The following RAB27B variants were observed in gnomAD, a reference collection of about 807,000 sequenced individuals.
RAB27B encodes RAB27B, member RAS oncogene family.
In RAB27B, 15 loss-of-function variants were observed where a neutral mutation model predicts 24.6. The observed-to-expected ratio is 0.61, with a 90% CI of 0.41 to 0.94. The LOEUF (loss-of-function observed/expected upper bound fraction) is 0.94. RAB27B is among the 40% of genes least tolerant of loss of function. The pLI is 0.00. For synonymous variants in RAB27B, 105 were observed against 92.5 expected (o/e 1.14, Z -0.78); for missense variants, 261 against 266.8 (o/e 0.98, Z 0.15).
intron 2 of RAB27B, among the ~76,000 whole-genome samples, chr18:54,732,948 G>A (rs1223636530): frequency 6.6e-6 from 1 of 152,096 alleles, no homozygotes; most frequent in African/African-American, 2.4e-5. Flanking sequence ...ACAACTTTCT[G>A]CTCATCTTTT....
chr18:54,723,234 A>C (rs1909417363), intron 2 of RAB27B, among the ~76,000 whole-genome samples: 1 of 152,176 alleles, frequency 6.6e-6, no homozygotes, highest in Non-Finnish European at 1.5e-5. Flanking sequence ...AGTTTATGAG[A>C]CCTTGTGCTG....
chr18:54,842,735 A>G (rs1911165967), intron 1 of RAB27B, among the ~76,000 whole-genome samples: 1 of 152,174 alleles, frequency 6.6e-6, no homozygotes, highest in Non-Finnish European at 1.5e-5. Context: ...GCTGCAACTA[A>G]TTTCACCCTC....
chr18:54,849,134 T>C (rs993762817), intron 1 of RAB27B, among the ~76,000 whole-genome samples: 8 of 152,152 alleles, frequency 5.3e-5, no homozygotes, highest in Admixed American at 4.6e-4. Flanking sequence ...GGAGAAAATG[T>C]ATGGGGAATT....
intron 1 of RAB27B, among the ~76,000 whole-genome samples, chr18:54,867,523 T>C (rs1267695906): frequency 6.9e-6 from 1 of 144,614 alleles, no homozygotes; most frequent in Non-Finnish European, 1.5e-5. Flanking sequence ...CTCGGCTCAC[T>C]GCAACTTCCG....
At chr18:54,723,804 C>T (rs1909438448) in intron 2 of RAB27B, among the ~76,000 whole-genome samples, 1 of 152,142 alleles carries the variant, frequency 6.6e-6, no homozygotes, top group African/African-American at 2.4e-5. Flanking sequence ...ATTTAAAACA[C>T]CAAATTATTT....
intron 1 of RAB27B, among the ~76,000 whole-genome samples, chr18:54,865,638 C>T (rs1385321568): frequency 6.6e-6 from 1 of 152,160 alleles, no homozygotes; most frequent in African/African-American, 2.4e-5. Context: ...TTCTTTGATC[C>T]ATTTGCTATT....
At chr18:54,746,173 T>C (rs959378901) in intron 2 of RAB27B, among the ~76,000 whole-genome samples, 4 of 152,156 alleles carry the variant, frequency 2.6e-5, no homozygotes, top group Non-Finnish European at 5.9e-5. Flanking sequence ...GGATTCCCTC[T>C]AAAAATGAAA....
chr18:54,766,051 A>G (rs183581334), intron 2 of RAB27B, among the ~76,000 whole-genome samples: 141 of 152,334 alleles, frequency 9.3e-4, no homozygotes, highest in Non-Finnish European at 1.7e-3. Context: ...TTTGGCGAAG[A>G]CACATTTTTA....
At chr18:54,859,800 C>T (rs1911941932) in intron 1 of RAB27B, among the ~76,000 whole-genome samples, 1 of 152,112 alleles carries the variant, frequency 6.6e-6, no homozygotes, top group South Asian at 2.1e-4. Flanking sequence ...TAGGTTACTG[C>T]CAAGAAGTAA....
chr18:54,840,795 T>C (rs1167077011), intron 1 of RAB27B, among the ~76,000 whole-genome samples: 1 of 152,068 alleles, frequency 6.6e-6, no homozygotes, highest in Non-Finnish European at 1.5e-5. Context: ...CAACAACACT[T>C]GACTGGGTAT....
chr18:54,754,335 G>A (rs917098522), intron 2 of RAB27B, among the ~76,000 whole-genome samples: 2 of 151,294 alleles, frequency 1.3e-5, no homozygotes, highest in African/African-American at 4.9e-5. Context: ...GGCTAACTGT[G>A]AGTCAATTAA....
chr18:54,752,933 A>T (rs117965807), intron 2 of RAB27B, among the ~76,000 whole-genome samples: 2,109 of 152,248 alleles, frequency 0.014, 56 homozygotes, highest in Admixed American at 0.06. Flanking sequence ...GCACTTAGTG[A>T]TTGACTGATA....
chr18:54,764,012 G>T (rs146153644), intron 2 of RAB27B, among the ~76,000 whole-genome samples: 2 of 152,222 alleles, frequency 1.3e-5, no homozygotes, highest in African/African-American at 4.8e-5. Context: ...TCTGAACATT[G>T]CTCTTTCTCA....
chr18:54,731,446 T>G (rs2144992008), intron 2 of RAB27B, among the ~76,000 whole-genome samples: 1 of 152,276 alleles, frequency 6.6e-6, no homozygotes, highest in South Asian at 2.1e-4. Context: ...ATCTGCCAGG[T>G]GTGGTGGCTC....
intron 3 of RAB27B, among the ~76,000 whole-genome samples, 194 bp from the exon 4 acceptor site, chr18:54,884,139 T>TAA (rs368704311): frequency 1.4e-5 from 2 of 147,388 alleles, no homozygotes; most frequent in African/African-American, 5.0e-5. Flanking sequence ...GAAGTGGTCT[T>TAA]AAAAAAAAAA....
upstream of RAB27B, among the ~76,000 whole-genome samples, chr18:54,825,841 G>T (rs1479768185): frequency 6.6e-6 from 1 of 152,176 alleles, no homozygotes; most frequent in African/African-American, 2.4e-5. Context: ...CCAAACCCCT[G>T]TGTTTACCCC....
chr18:54,723,363 T>C (rs1486325576), intron 2 of RAB27B, among the ~76,000 whole-genome samples: 1 of 152,244 alleles, frequency 6.6e-6, no homozygotes, highest in African/African-American at 2.4e-5. Flanking sequence ...GGTTTTATGA[T>C]AATCAACAGT....
chr18:54,742,599 T>C (rs1325828221), intron 2 of RAB27B, among the ~76,000 whole-genome samples: 5 of 152,314 alleles, frequency 3.3e-5, no homozygotes, highest in Admixed American at 1.3e-4. Context: ...TTTATTTGCA[T>C]TTTCTGAGTA....
At chr18:54,859,393 T>C (rs1473662771) in intron 1 of RAB27B, among the ~76,000 whole-genome samples, 2 of 152,092 alleles carry the variant, frequency 1.3e-5, no homozygotes, top group African/African-American at 2.4e-5. Flanking sequence ...TAATGCAAAA[T>C]TCTAAGTAGC....
Sources: gnomAD v4.1 joint callset for allele counts (sites outside exome capture counted in the v4.1 genomes callset) on GRCh38, gnomAD v4.1.1 for gene constraint, MANE v1.5 for transcripts, NCBI Gene and HGNC (gene_info 2026-07-23, HGNC 2026-07-21) for gene names.